Variants in SPRED2 observed in about 807,000 individuals in gnomAD.
The protein encoded by SPRED2 is sprouty-related, EVH1 domain-containing protein 2.
Under a neutral mutation model 43.0 loss-of-function variants are expected in SPRED2, and 47 were observed. That is an observed-to-expected ratio of 1.09 (90% CI 0.87 to 1.40). SPRED2 has a LOEUF of 1.40. Ranked by LOEUF, SPRED2 falls within the 40% of genes most tolerant of loss-of-function variation. SPRED2 has a pLI of 0.00. For synonymous variants in SPRED2, 225 were observed against 225.7 expected (o/e 1.00, Z 0.03); for missense variants, 561 against 586.4 (o/e 0.96, Z 0.45).
intron 2 of SPRED2, among the ~76,000 whole-genome samples, chr2:65,335,041 C>T (rs1673923321): frequency 6.6e-6 from 1 of 152,206 alleles, no homozygotes; most frequent in Admixed American, 6.5e-5. Flanking sequence ...GGCTGCAGGG[C>T]ACTAAGTTGA....
chr2:65,307,183 TTA>T (rs1007380029), downstream of SPRED2, among the ~76,000 whole-genome samples: 1 of 152,166 alleles, frequency 6.6e-6, no homozygotes, highest in African/African-American at 2.4e-5. Context: ...TATTTTTATA[TTA>T]TATGACATTT....
rs150806452 is a variant in SPRED2, at chr2:65,418,702, C to T, written c.26+13260G>A. Among the ~76,000 whole-genome samples the T allele has an allele frequency of 1.3e-4, 19 of 151,968 alleles. No homozygotes were observed. The East Asian group carries it at 1.4e-3, about 11-fold the overall frequency. On this transcript the variant is annotated intron_variant, in intron 1 of 5. Coordinates refer to ENST00000356388, the MANE Select transcript of SPRED2 (RefSeq NM_181784.3). ...CCAAGTAGCTGGGACTACACATGCA[C>T]GCCACCACGCCCAGCTAAGTTTTTG...
At chr2:65,361,802 A>T (rs917897060) in intron 1 of SPRED2, among the ~76,000 whole-genome samples, 1 of 152,214 alleles carries the variant, frequency 6.6e-6, no homozygotes, top group Admixed American at 6.5e-5. Context: ...CCACCCACAG[A>T]CACTAATTTT....
intron 1 of SPRED2, among the ~76,000 whole-genome samples, chr2:65,345,268 T>G (rs1195111357): frequency 1.5e-4 from 22 of 146,994 alleles, no homozygotes; most frequent in African/African-American, 5.0e-4. Flanking sequence ...TGTTTTTTTT[T>G]TTTTTTTTTT....
chr2:65,402,950 A>T (rs1480559445), intron 1 of SPRED2, among the ~76,000 whole-genome samples: 1 of 152,248 alleles, frequency 6.6e-6, no homozygotes. Context: ...AGAAATATAA[A>T]TGAATCTATG....
chr2:65,425,673 G>A (rs1676540119), intron 1 of SPRED2, among the ~76,000 whole-genome samples: 1 of 152,140 alleles, frequency 6.6e-6, no homozygotes, highest in Admixed American at 6.5e-5. Context: ...GTTCCACGGG[G>A]CACTGGAGCA....
chr2:65,417,722 A>G lies in SPRED2; in HGVS notation c.26+14240T>C, dbSNP rs532536663. Reference sequence around the variant, plus strand: ...CAAACTAACTAGCTTTGTGACCCTGAGTTAGTCACTCAGCCTCTCCAGATT... The same window carrying G: ...CAAACTAACTAGCTTTGTGACCCTGGGTTAGTCACTCAGCCTCTCCAGATT... On this transcript the variant is annotated intron_variant, in intron 1 of 5. Coordinates refer to ENST00000356388, the MANE Select transcript of SPRED2 (RefSeq NM_181784.3). Among the ~76,000 whole-genome samples, 63 of 152,330 alleles carry G rather than the reference A, an allele frequency of 4.1e-4. No homozygotes were observed. In the South Asian group the frequency reaches 0.012, roughly 30 times the overall value.
At chr2:65,416,880 TAC>T (rs1242380826) in intron 1 of SPRED2, among the ~76,000 whole-genome samples, 1 of 152,194 alleles carries the variant, frequency 6.6e-6, no homozygotes. Context: ...TGTGATTCAG[TAC>T]AGAGGACAAG....
At chr2:65,429,094 T>C (rs1028247383) in intron 1 of SPRED2, among the ~76,000 whole-genome samples, 2 of 152,222 alleles carry the variant, frequency 1.3e-5, no homozygotes. Context: ...TGAATTACCA[T>C]ATATTAGAAG....
intron 2 of SPRED2, among the ~76,000 whole-genome samples, chr2:65,341,101 G>A (rs898863683): frequency 1.4e-5 from 1 of 73,620 alleles, no homozygotes; most frequent in African/African-American, 5.5e-5. Flanking sequence ...GACTGGGTAC[G>A]GGCGTGTGTG....
chr2:65,352,712 C>G (rs570824243), intron 1 of SPRED2, among the ~76,000 whole-genome samples: 1 of 152,350 alleles, frequency 6.6e-6, no homozygotes, highest in Non-Finnish European at 1.5e-5. Context: ...CAACCTCTGC[C>G]TCCCAGATTT....
chr2:65,314,505 A>T (rs970664176), intron 5 of SPRED2, among the ~76,000 whole-genome samples: 4 of 152,130 alleles, frequency 2.6e-5, no homozygotes, highest in African/African-American at 9.6e-5. Flanking sequence ...CGTTCTCAGG[A>T]GCATGGCACA....
chr2:65,360,101 A>AAAAAAAAAAAAAAC (rs1674768789), intron 1 of SPRED2, among the ~76,000 whole-genome samples: 2 of 12,610 alleles, frequency 1.6e-4, no homozygotes, highest in Non-Finnish European at 3.0e-4. Context: ...AAAAAAAAAC[A>AAAAAAAAAAAAAAC]AAAAAAAAAA....
intron 5 of SPRED2, among the ~76,000 whole-genome samples, chr2:65,316,080 T>A (rs1282123255): frequency 6.6e-6 from 1 of 152,228 alleles, no homozygotes; most frequent in Non-Finnish European, 1.5e-5. Flanking sequence ...ACAAAACAAC[T>A]CACTGCCCTT....
chr2:65,371,833 TGGGAGGCCGG>T (rs1482608187), intron 1 of SPRED2, among the ~76,000 whole-genome samples: 1 of 152,130 alleles, frequency 6.6e-6, no homozygotes, highest in East Asian at 1.9e-4. Context: ...CCCAGCACTT[TGGGAGGCCGG>T]GGCAGGCAGA....
At chr2:65,327,249 G>T (rs907772514) in intron 4 of SPRED2, among the ~76,000 whole-genome samples, 1 of 152,180 alleles carries the variant, frequency 6.6e-6, no homozygotes, top group Non-Finnish European at 1.5e-5. Context: ...GAGGGGATGG[G>T]AGCAGGAAGG....
intron 1 of SPRED2, among the ~76,000 whole-genome samples, chr2:65,410,495 C>G (rs1359385602): frequency 2.6e-5 from 4 of 152,156 alleles, no homozygotes. Flanking sequence ...CATGGTGACT[C>G]AGGCCTGTAA....
At chr2:65,353,901 C>T (rs1241800343) in intron 1 of SPRED2, among the ~76,000 whole-genome samples, 1 of 151,192 alleles carries the variant, frequency 6.6e-6, no homozygotes, top group Non-Finnish European at 1.5e-5. Flanking sequence ...GCCTTGCAGA[C>T]ATCCTTGGGA....
intron 1 of SPRED2, among the ~76,000 whole-genome samples, chr2:65,356,584 C>A (rs1431522078): frequency 1.5e-5 from 2 of 134,000 alleles, no homozygotes; most frequent in African/African-American, 5.3e-5. Context: ...CTATCTACCA[C>A]CTGCCCTCTA....
Sources: gnomAD v4.1 joint callset for allele counts (sites outside exome capture counted in the v4.1 genomes callset) on GRCh38, gnomAD v4.1.1 for gene constraint, MANE v1.5 for transcripts, NCBI Gene and HGNC (gene_info 2026-07-23, HGNC 2026-07-21) for gene names.